The following CCDC15 variants were observed in gnomAD, a reference collection of about 807,000 sequenced individuals.
CCDC15 encodes the protein coiled-coil domain containing 15.
A neutral mutation model predicts 114.5 loss-of-function variants in CCDC15; 105 were observed. The ratio of observed to expected loss-of-function variants is 0.92; its 90% CI spans 0.78 to 1.08. CCDC15 has a LOEUF of 1.08. Ranked by LOEUF, CCDC15 falls within the 50% of genes least tolerant of loss-of-function variation. CCDC15 has a pLI of 0.00. For missense variants in CCDC15, 1,105 were observed against 1,093.6 expected (o/e 1.01, Z -0.15); for synonymous variants, 334 against 377.8 (o/e 0.88, Z 1.34).
chr11:124,970,062 T>C (rs908013963), intron 4 of CCDC15, among the ~76,000 whole-genome samples: 1 of 152,214 alleles, frequency 6.6e-6, no homozygotes, highest in South Asian at 2.1e-4. Context: ...TAAACTAGTA[T>C]AGTTGGTCAC....
intron 11 of CCDC15, among the ~76,000 whole-genome samples, chr11:124,998,737 CTTTTT>C (rs35263582): frequency 7.7e-6 from 1 of 129,926 alleles, no homozygotes. Flanking sequence ...AGAGTCTCTA[CTTTTT>C]TTTTTTTTTT....
intron 15 of CCDC15, 98 bp downstream of exon 15, chr11:125,039,167 T>C: frequency 8.6e-7 from 1 of 1,159,438 alleles, no homozygotes; most frequent in South Asian, 1.8e-5. Context: ...GTGCTTACTA[T>C]GTATCAGAGA....
At chr11:125,027,828 GT>G (rs1482147781) in intron 13 of CCDC15, among the ~76,000 whole-genome samples, 1 of 151,934 alleles carries the variant, frequency 6.6e-6, no homozygotes, top group African/African-American at 2.4e-5. Context: ...GTCTAGAACA[GT>G]TTTTTTGATG....
intron 4 of CCDC15, among the ~76,000 whole-genome samples, chr11:124,963,812 C>T (rs1005014060): frequency 1.3e-5 from 2 of 151,988 alleles, no homozygotes; most frequent in African/African-American, 2.4e-5. Flanking sequence ...CTTGAATTAA[C>T]TTTTGTATAA....
chr11:125,039,583 A>T (rs1187033408), intron 15 of CCDC15: 4 of 152,490 alleles, frequency 2.6e-5, no homozygotes, highest in African/African-American at 9.7e-5. Flanking sequence ...ATCCATCCTT[A>T]AATATATTGA....
chr11:125,018,262 C>T (rs1948640959), intron 13 of CCDC15, among the ~76,000 whole-genome samples: 1 of 152,134 alleles, frequency 6.6e-6, no homozygotes, highest in Admixed American at 6.6e-5. Context: ...GATACACAAA[C>T]ACTTACCATT....
intron 11 of CCDC15, among the ~76,000 whole-genome samples, chr11:125,002,644 A>G (rs1364629516): frequency 2.0e-5 from 3 of 152,076 alleles, no homozygotes; most frequent in Non-Finnish European, 4.4e-5. Flanking sequence ...ATCATTTGTT[A>G]AAAAGCCGTT....
At chr11:124,996,397 A>T (rs1948369674) in intron 11 of CCDC15, among the ~76,000 whole-genome samples, 1 of 152,166 alleles carries the variant, frequency 6.6e-6, no homozygotes, top group African/African-American at 2.4e-5. Flanking sequence ...CTACTATCTC[A>T]GAGGAAAAGT....
At position 125,039,001 on chromosome 11, in the gene CCDC15, G is replaced by T. The variant is rs756812496; in HGVS notation, c.2666G>T (p.Gly889Val). ...ACTTTACCTCCACTATGCTGTTGTG[G>T]TCCTGATTTTTGGGATGCTCATCCT... ...NITLPPLCCC[G>V]PDFWDAHPDT... The change falls in exon 15 of 16, where the codon GGT (glycine) becomes GTT (valine). Residue 889 changes from glycine (G) to valine (V), a missense_variant. Physicochemically the swap from Gly to Val is moderately radical, Grantham distance 109. Transcript: ENST00000344762. The T allele has an allele frequency of 9.9e-6, 16 of 1,611,742 alleles. No individual in the cohort carries two copies. In the Admixed American group the frequency reaches 2.7e-4, roughly 27 times the overall value.
At chr11:125,014,872 G>A (rs577188288) in intron 13 of CCDC15, among the ~76,000 whole-genome samples, 28 of 152,208 alleles carry the variant, frequency 1.8e-4, no homozygotes, top group Non-Finnish European at 3.7e-4. Flanking sequence ...ACACTGAATC[G>A]TGACAGAATA....
chr11:124,965,959 GT>G (rs1426711019), intron 4 of CCDC15, among the ~76,000 whole-genome samples: 35 of 152,318 alleles, frequency 2.3e-4, no homozygotes, highest in Middle Eastern at 3.4e-3. Flanking sequence ...TTTTGAGTGA[GT>G]TTCTTAATCC....
chr11:125,033,092 C>T (rs554992072), intron 13 of CCDC15, among the ~76,000 whole-genome samples: 31 of 152,290 alleles, frequency 2.0e-4, no homozygotes, highest in African/African-American at 7.5e-4. Flanking sequence ...CCCCTTCATT[C>T]AAGAGGTTCT....
intron 9 of CCDC15, 129 bp downstream of exon 9, chr11:124,991,712 C>T: frequency 2.5e-6 from 2 of 801,302 alleles, no homozygotes; most frequent in Non-Finnish European, 3.7e-6. Flanking sequence ...CTGATGGAGT[C>T]TTTCTCTGTC....
At position 125,040,891 on chromosome 11, in the gene CCDC15, GACTT is replaced by G. The variant is rs1948812943; in HGVS notation, c.*185_*188del. 3.2e-6 allele frequency: 2 copies of G among 616,952 alleles called. No homozygotes were observed. Among genetic ancestry groups the G allele is most frequent in the South Asian group, 2.2e-5 (1 of 46,044 alleles). The allele number at this position is 616,952 out of a possible 1,614,324, so 38.2% of individuals were successfully genotyped here. A position where few individuals can be genotyped will look rare whatever the true frequency, so the allele number is the denominator to read the frequency against. On this transcript the variant is annotated 3_prime_UTR_variant, in exon 16 of 16. Transcript: ENST00000344762. The stretch of plus-strand genomic sequence containing the variant: ...TGTCTGGGAACCAAGATTGAAAGCT[GACTT>G]ACTTCTCTCTTCTGTCTTGTGAACC...
At chr11:125,027,828 G>GT (rs1482147781) in intron 13 of CCDC15, among the ~76,000 whole-genome samples, 1 of 151,934 alleles carries the variant, frequency 6.6e-6, no homozygotes, top group Non-Finnish European at 1.5e-5. Context: ...GTCTAGAACA[G>GT]TTTTTTTGAT....
At chr11:124,968,003 C>T (rs1300802187) in intron 4 of CCDC15, among the ~76,000 whole-genome samples, 1 of 152,174 alleles carries the variant, frequency 6.6e-6, no homozygotes, top group Admixed American at 6.5e-5. Flanking sequence ...GCAAATATTG[C>T]TGCCTGATCC....
chr11:124,973,929 CT>C (rs1349064764), intron 4 of CCDC15, among the ~76,000 whole-genome samples: 3 of 152,100 alleles, frequency 2.0e-5, no homozygotes, highest in Admixed American at 6.5e-5. Flanking sequence ...ACAGGATATA[CT>C]TTTCCTCCAC....
At position 125,029,619 on chromosome 11, in the gene CCDC15, T is replaced by C. The variant is rs545688529; in HGVS notation, c.2412-8812T>C. Among the ~76,000 whole-genome samples the C allele has an allele frequency of 2.0e-5, 3 of 152,350 alleles. No individual in the cohort carries two copies. The East Asian group carries it at 5.8e-4, about 29-fold the overall frequency. ...ATACTCATGACAGTTACAGTCCTTG[T>C]TTCTGCACTGGTCATGTGATTGTAG... On this transcript the variant is annotated intron_variant, in intron 13 of 15. Transcript: ENST00000344762.
At chr11:125,026,829 C>T (rs140837150) in intron 13 of CCDC15, among the ~76,000 whole-genome samples, 2,066 of 152,150 alleles carry the variant, frequency 0.014, 56 homozygotes, top group African/African-American at 0.048. Context: ...GATTTTGGTG[C>T]ACCCGTCACC....
Sources: gnomAD v4.1 joint callset for allele counts (sites outside exome capture counted in the v4.1 genomes callset) on GRCh38, gnomAD v4.1.1 for gene constraint, MANE v1.5 for transcripts, NCBI Gene and HGNC (gene_info 2026-07-23, HGNC 2026-07-21) for gene names.